The following NOX4 variants were observed in gnomAD, a reference collection of about 807,000 sequenced individuals.
NOX4 encodes NADPH oxidase 4, also known as kidney oxidase-1.
NOX4 carries 69 observed loss-of-function variants against 87.6 expected under a neutral mutation model. The ratio of observed to expected loss-of-function variants is 0.79; its 90% confidence interval spans 0.65 to 0.96. NOX4 has a LOEUF of 0.96. Ranked by LOEUF, NOX4 falls within the 40% of genes least tolerant of loss-of-function variation. The pLI, the probability that NOX4 is intolerant of heterozygous loss-of-function variation, is 0.00. For missense variants in NOX4, 680 were observed against 681.5 expected (o/e 1.00, Z 0.02); for synonymous variants, 275 against 238.2 (o/e 1.15, Z -1.42).
At chr11:89,380,361 G>A (rs928976088) in intron 11 of NOX4, among the ~76,000 whole-genome samples, 7 of 152,144 alleles carry the variant, frequency 4.6e-5, no homozygotes, top group African/African-American at 1.7e-4. Context: ...CCATTGAAGA[G>A]TGAGAACTGA....
At chr11:89,344,695 CACA>C (rs1264013542) in intron 13 of NOX4, among the ~76,000 whole-genome samples, 2 of 152,142 alleles carry the variant, frequency 1.3e-5, no homozygotes, top group Non-Finnish European at 2.9e-5. Flanking sequence ...TGTTAATCCA[CACA>C]ACAACTTTCA....
intron 8 of NOX4, among the ~76,000 whole-genome samples, chr11:89,404,261 T>G (rs2135195334): frequency 6.6e-6 from 1 of 151,944 alleles, no homozygotes; most frequent in Admixed American, 6.6e-5. Context: ...CTATTGGCCA[T>G]CGGAAGGATA....
intron 3 of NOX4, among the ~76,000 whole-genome samples, chr11:89,451,060 T>C (rs1291905319): frequency 8.7e-6 from 1 of 115,260 alleles, no homozygotes; most frequent in African/African-American, 3.3e-5. Flanking sequence ...CCAGGGCCTG[T>C]TGTGGGGTGG....
intron 12 of NOX4, among the ~76,000 whole-genome samples, chr11:89,367,840 A>C (rs1204216126): frequency 2.6e-5 from 4 of 152,228 alleles, no homozygotes; most frequent in African/African-American, 9.6e-5. Context: ...CACCCCAGCC[A>C]GGCCTCCCAA....
At chr11:89,528,443 T>G in the NOX4 span, among the ~76,000 whole-genome samples, 1 of 152,192 alleles carries the variant, frequency 6.6e-6, no homozygotes, top group Non-Finnish European at 1.5e-5. Flanking sequence ...GGTTCAGATT[T>G]GTGTCCCCAC....
At chr11:89,455,111 C>T (rs1565314341) in intron 2 of NOX4, among the ~76,000 whole-genome samples, 1 of 152,112 alleles carries the variant, frequency 6.6e-6, no homozygotes. Flanking sequence ...TAGTTAAACA[C>T]AGGTCTTGCG....
chr11:89,484,344 C>T (rs369436544), intron 2 of NOX4, among the ~76,000 whole-genome samples: 1 of 152,046 alleles, frequency 6.6e-6, no homozygotes. Context: ...AATTCCTTCA[C>T]AATTTATTGG....
chr11:89,410,167 T>A (rs555811208), intron 8 of NOX4, among the ~76,000 whole-genome samples: 4 of 152,302 alleles, frequency 2.6e-5, no homozygotes, highest in Non-Finnish European at 5.9e-5. Flanking sequence ...CAGTCTACAA[T>A]ATAATCAAAA....
At chr11:89,348,436 T>C (rs1161304563) in intron 13 of NOX4, among the ~76,000 whole-genome samples, 1 of 150,306 alleles carries the variant, frequency 6.7e-6, no homozygotes, top group Non-Finnish European at 1.5e-5. Flanking sequence ...AAAAAACCTA[T>C]GTCTCTAAAA....
At chr11:89,426,605 C>T (rs564245139) in intron 7 of NOX4, among the ~76,000 whole-genome samples, 1 of 152,142 alleles carries the variant, frequency 6.6e-6, no homozygotes, top group African/African-American at 2.4e-5. Context: ...GGTCCCACAC[C>T]CTCAGAACCT....
intron 2 of NOX4, among the ~76,000 whole-genome samples, chr11:89,455,970 C>T (rs1372749113): frequency 5.9e-5 from 9 of 151,900 alleles, no homozygotes; most frequent in Admixed American, 4.6e-4. Flanking sequence ...TACATGAACA[C>T]AGTACCCATT....
At chr11:89,524,213 C>T in the NOX4 span, among the ~76,000 whole-genome samples, 2 of 152,184 alleles carry the variant, frequency 1.3e-5, no homozygotes, top group Admixed American at 6.5e-5. Flanking sequence ...ACCTTAAATA[C>T]AATATAGAGC....
intron 2 of NOX4, among the ~76,000 whole-genome samples, chr11:89,478,917 A>G (rs1946277247): frequency 6.6e-6 from 1 of 152,060 alleles, no homozygotes. Context: ...TGAGCCAAGG[A>G]GTTTAAGGCT....
chr11:89,400,026 G>A lies in NOX4; in HGVS notation c.1065C>T (p.Thr355=), dbSNP rs770361351. 1.7e-5 allele frequency: 28 copies of A among 1,606,874 alleles called. No individual in the cohort carries two copies. The highest frequency in any genetic ancestry group is 2.3e-5 in the Non-Finnish European group (27 of 1,174,798). ...GAGATATGTTTCTTACCATTGTGAGGGTAAATGGATGATTTTCTAATGCAG... is the reference window on the plus strand; with the variant it reads ...GAGATATGTTTCTTACCATTGTGAGAGTAAATGGATGATTTTCTAATGCAG... ...SVSALENHPF[T]LTMCPTETKA... is the part of the protein sequence containing the mutation. Residue 355 remains threonine, a synonymous_variant, in exon 11 of 18, where the codon ACC becomes ACT. Coordinates refer to ENST00000263317, the MANE Select transcript of NOX4 (RefSeq NM_016931.5).
intron 12 of NOX4, among the ~76,000 whole-genome samples, chr11:89,365,062 C>T (rs1404697370): frequency 6.6e-6 from 1 of 152,080 alleles, no homozygotes; most frequent in Non-Finnish European, 1.5e-5. Context: ...CCTCCTTTTA[C>T]TTTCTTCTTG....
chr11:89,409,194 C>T (rs1942343316), intron 8 of NOX4, among the ~76,000 whole-genome samples: 1 of 152,084 alleles, frequency 6.6e-6, no homozygotes, highest in Non-Finnish European at 1.5e-5. Context: ...TTTCATGTTT[C>T]AGAAAGTACT....
intron 13 of NOX4, among the ~76,000 whole-genome samples, chr11:89,351,739 C>T (rs1946462788): frequency 1.3e-5 from 2 of 152,060 alleles, no homozygotes; most frequent in South Asian, 2.1e-4. Flanking sequence ...GCATGGTTTA[C>T]TGAATATTTT....
At chr11:89,531,210 T>A in the NOX4 span, among the ~76,000 whole-genome samples, 1 of 152,160 alleles carries the variant, frequency 6.6e-6, no homozygotes. Context: ...ATGTTTTTTC[T>A]TATAAAGATC....
intron 12 of NOX4, among the ~76,000 whole-genome samples, chr11:89,369,551 T>C (rs1222936875): frequency 1.3e-5 from 2 of 152,054 alleles, no homozygotes; most frequent in Non-Finnish European, 2.9e-5. Context: ...AATATTATCT[T>C]CCACAAATGA....
Sources: gnomAD v4.1 joint callset for allele counts (sites outside exome capture counted in the v4.1 genomes callset) on GRCh38, gnomAD v4.1.1 for gene constraint, MANE v1.5 for transcripts, NCBI Gene and HGNC (gene_info 2026-07-23, HGNC 2026-07-21) for gene names.